Variants in TOX3 observed in about 807,000 individuals in gnomAD.
TOX3 encodes the protein TOX high mobility group box family member 3, also known as CAG trinucleotide repeat-containing gene F9 protein.
A neutral mutation model predicts 64.3 loss-of-function variants in TOX3; 22 were observed. The ratio of observed to expected loss-of-function variants is 0.34; its 90% CI spans 0.24 to 0.49. The LOEUF (loss-of-function observed/expected upper bound fraction) is 0.49, where lower values mean the gene tolerates loss of function less well. Ranked by LOEUF, TOX3 falls within the 20% of genes least tolerant of loss-of-function variation. The pLI, the probability that TOX3 is intolerant of heterozygous loss-of-function variation, is 0.99. For synonymous variants in TOX3, 291 were observed against 273.6 expected (o/e 1.06, Z -0.63); for missense variants, 661 against 714.4 (o/e 0.93, Z 0.85).
intron 1 of TOX3, among the ~76,000 whole-genome samples, chr16:52,526,532 T>G (rs149247319): frequency 2.0e-5 from 3 of 151,576 alleles, no homozygotes; most frequent in African/African-American, 4.8e-5. Flanking sequence ...CTTGAAATCG[T>G]TGGTCGGCAG....
At chr16:52,480,303 A>G (rs1961334555) in intron 1 of TOX3, among the ~76,000 whole-genome samples, 1 of 152,226 alleles carries the variant, frequency 6.6e-6, no homozygotes, top group South Asian at 2.1e-4. Context: ...AAGTACTGTC[A>G]AGCCTTAAAA....
At chr16:52,539,376 C>T (rs1359079809) in intron 1 of TOX3, among the ~76,000 whole-genome samples, 1 of 152,192 alleles carries the variant, frequency 6.6e-6, no homozygotes, top group Admixed American at 6.5e-5. Context: ...AAGAATGTTT[C>T]CTTCCAAATA....
chr16:52,504,433 C>G (rs1228330856), intron 1 of TOX3, among the ~76,000 whole-genome samples: 3 of 148,430 alleles, frequency 2.0e-5, no homozygotes, highest in African/African-American at 7.5e-5. Flanking sequence ...TGTCACTGCA[C>G]TCCAGCCTAG....
chr16:52,492,057 G>T (rs1234819213), intron 1 of TOX3, among the ~76,000 whole-genome samples: 1 of 151,926 alleles, frequency 6.6e-6, no homozygotes, highest in Non-Finnish European at 1.5e-5. Context: ...GGCTGACTCT[G>T]AAGCATTCCT....
chr16:52,542,385 A>G (rs1963092975), intron 1 of TOX3, among the ~76,000 whole-genome samples: 1 of 152,236 alleles, frequency 6.6e-6, no homozygotes, highest in Admixed American at 6.5e-5. Flanking sequence ...AAGAATCAGC[A>G]CACAAGCAAG....
rs1260856185 is a variant in TOX3 at position 52,546,950 on chromosome 16, A to G, written c.-227T>C. 1.0e-6 allele frequency: 1 copy of G among 986,548 alleles called. No homozygotes were observed. The highest frequency in any genetic ancestry group is 1.2e-6 in the Non-Finnish European group (1 of 833,124). The allele number at this position is 986,548 out of a possible 1,614,324, so 61.1% of individuals were successfully genotyped here. On this transcript the variant is annotated 5_prime_UTR_variant, in exon 1 of 7. Coordinates refer to ENST00000219746, the MANE Select transcript of TOX3 (RefSeq NM_001080430.4). ...GGGAGAGCGGGAGGCGGCCGGGGGG[A>G]CGCGCCCCGCCGGGGCACCGAGGCA...
At chr16:52,508,981 A>G (rs1331045835) in intron 1 of TOX3, among the ~76,000 whole-genome samples, 1 of 152,224 alleles carries the variant, frequency 6.6e-6, no homozygotes, top group East Asian at 1.9e-4. Context: ...TCAAAAAGGA[A>G]CATTAGACTA....
chr16:52,529,284 C>T (rs1016702918), intron 1 of TOX3, among the ~76,000 whole-genome samples: 1 of 152,012 alleles, frequency 6.6e-6, no homozygotes, highest in African/African-American at 2.4e-5. Context: ...ATTGTATCCA[C>T]CTTTATAAAA....
chr16:52,492,353 T>A (rs1961710911), intron 1 of TOX3, among the ~76,000 whole-genome samples: 1 of 146,110 alleles, frequency 6.8e-6, no homozygotes, highest in Non-Finnish European at 1.5e-5. Flanking sequence ...TTCCATTTAT[T>A]CTCACTAGAA....
chr16:52,449,138 G>T (rs1960257487), intron 4 of TOX3, among the ~76,000 whole-genome samples: 1 of 151,944 alleles, frequency 6.6e-6, no homozygotes, highest in Non-Finnish European at 1.5e-5. Context: ...CTTTTCTTTG[G>T]TCCCTCCCTT....
chr16:52,458,259 C>T (rs1960581877), intron 3 of TOX3, among the ~76,000 whole-genome samples: 1 of 152,234 alleles, frequency 6.6e-6, no homozygotes, highest in South Asian at 2.1e-4. Flanking sequence ...CCAGGGACGA[C>T]ACCAAACAGA....
intron 1 of TOX3, among the ~76,000 whole-genome samples, chr16:52,508,669 T>A (rs1350883001): frequency 6.6e-6 from 1 of 151,978 alleles, no homozygotes; most frequent in Non-Finnish European, 1.5e-5. Flanking sequence ...GAATAATAAA[T>A]GTAAAATTCA....
intron 1 of TOX3, among the ~76,000 whole-genome samples, chr16:52,535,904 A>T (rs1962935194): frequency 1.3e-5 from 2 of 152,264 alleles, no homozygotes. Flanking sequence ...TCTAATAGGG[A>T]TCATCACAAC....
chr16:52,511,128 G>A (rs1649437972), intron 1 of TOX3, among the ~76,000 whole-genome samples: 1 of 152,094 alleles, frequency 6.6e-6, no homozygotes, highest in South Asian at 2.1e-4. Flanking sequence ...GCATCGACAT[G>A]ACAATATGAA....
At chr16:52,474,651 T>TG in intron 1 of TOX3, among the ~76,000 whole-genome samples, 1 of 122,826 alleles carries the variant, frequency 8.1e-6, no homozygotes, top group East Asian at 2.3e-4. Flanking sequence ...AGAAAGAAAA[T>TG]GAAGGAAAGG....
intron 1 of TOX3, among the ~76,000 whole-genome samples, chr16:52,535,891 A>G (rs990195734): frequency 6.6e-6 from 1 of 152,222 alleles, no homozygotes; most frequent in South Asian, 2.1e-4. Context: ...AAACTTAAAC[A>G]CTTCTAATAG....
At chr16:52,478,076 A>G (rs1244342584) in intron 1 of TOX3, among the ~76,000 whole-genome samples, 1 of 152,242 alleles carries the variant, frequency 6.6e-6, no homozygotes, top group Non-Finnish European at 1.5e-5. Context: ...AAAAGAGACC[A>G]AGCATATCTG....
intron 1 of TOX3, among the ~76,000 whole-genome samples, chr16:52,480,401 GAAGGACCTTAGAGACTTTCT>G (rs1961338099): frequency 6.6e-6 from 1 of 152,164 alleles, no homozygotes; most frequent in Non-Finnish European, 1.5e-5. Context: ...GCAATCCAAT[GAAGGACCTTAGAGACTTTCT>G]GCTGAAAACA....
intron 3 of TOX3, among the ~76,000 whole-genome samples, chr16:52,462,856 A>G (rs1203557): frequency 6.6e-6 from 1 of 152,058 alleles, no homozygotes; most frequent in Non-Finnish European, 1.5e-5. Flanking sequence ...AAAAAAAAGT[A>G]AAAAATAAAA....
Sources: allele counts gnomAD v4.1 joint callset (sites outside exome capture counted in the v4.1 genomes callset), GRCh38; gene constraint gnomAD v4.1.1; transcripts MANE v1.5; gene names NCBI Gene and HGNC (gene_info 2026-07-23, HGNC 2026-07-21).